KCNMB2: variants seen among roughly 807,000 people sequenced by gnomAD.
KCNMB2 encodes potassium calcium-activated channel subfamily M regulatory beta subunit 2, also known as calcium-activated potassium channel subunit beta-2.
KCNMB2 carries 9 observed loss-of-function variants against 24.5 expected under a neutral mutation model. The ratio of observed to expected loss-of-function variants is 0.37; its 90% CI spans 0.22 to 0.64. The LOEUF is 0.64. Among genes scored for constraint, KCNMB2 ranks in the 30% least tolerant of loss-of-function variants. The probability of loss-of-function intolerance (pLI) is 0.63; values close to 1 mark genes in which losing one functional copy is unlikely to be tolerated. For missense variants in KCNMB2, 226 were observed against 284.3 expected, an observed-to-expected ratio of 0.79 and a Z score of 1.47; for synonymous variants, 109 against 104.4, an observed-to-expected ratio of 1.04 and a Z score of -0.27.
At position 178,785,511 on chromosome 3, in the gene KCNMB2, A is replaced by T. The variant is rs113354235; in HGVS notation, c.-67-21832A>T. On this transcript the variant is annotated intron_variant, in intron 1 of 4. Transcript: ENST00000452583. ...TAATATTATAAGATACAAAAATTAC[A>T]TATTGACCGATTCAAATTTTGCAAA... Among the ~76,000 whole-genome samples the T allele has an allele frequency of 8.4e-4, 128 of 152,180 alleles. 2 individuals carry two copies. In the South Asian group the frequency reaches 0.011, roughly 14 times the overall value.
intron 2 of KCNMB2, among the ~76,000 whole-genome samples, chr3:178,808,511 C>T (rs989909160): frequency 6.6e-6 from 1 of 152,344 alleles, no homozygotes; most frequent in African/African-American, 2.4e-5. Flanking sequence ...TGCCTGAATA[C>T]TGTTTTCAGA....
At chr3:178,661,974 G>A (rs1329104216) in intron 1 of KCNMB2, among the ~76,000 whole-genome samples, 1 of 152,118 alleles carries the variant, frequency 6.6e-6, no homozygotes, top group Non-Finnish European at 1.5e-5. Context: ...AGAGAAATTA[G>A]ATGAATCAAG....
In KCNMB2 at chr3:178,685,669, A is replaced by T. The variant is rs182468085; in HGVS notation, c.-67-121674A>T. ...GCACGTGGGAAGCTTTTTGTTAGGA[A>T]ATTATTAAGTCCAAACCTGAGCAGT... On this transcript the variant is annotated intron_variant, in intron 1 of 4. Transcript: ENST00000452583. Among the ~76,000 whole-genome samples the T allele has an allele frequency of 2.0e-5, 3 of 152,352 alleles. No homozygotes were observed. The East Asian group carries it at 5.8e-4, about 29-fold the overall frequency.
At chr3:178,617,906 A>G (rs1418156635) in intron 1 of KCNMB2, among the ~76,000 whole-genome samples, 1 of 151,688 alleles carries the variant, frequency 6.6e-6, no homozygotes, top group East Asian at 1.9e-4. Flanking sequence ...AAAAAAAAAA[A>G]AAAAACCCAA....
chr3:178,727,685 C>G (rs1723009315), intron 1 of KCNMB2, among the ~76,000 whole-genome samples: 1 of 152,002 alleles, frequency 6.6e-6, no homozygotes, highest in South Asian at 2.1e-4. Context: ...CCTCTAGTAG[C>G]TAGAAAAGAA....
chr3:178,690,888 G>A (rs867181320), intron 1 of KCNMB2, among the ~76,000 whole-genome samples: 3 of 152,062 alleles, frequency 2.0e-5, no homozygotes, highest in Admixed American at 1.3e-4. Context: ...GTGATCTAGC[G>A]ATCTATAGGT....
intron 1 of KCNMB2, among the ~76,000 whole-genome samples, chr3:178,763,778 T>C (rs1712008782): frequency 1.3e-5 from 2 of 152,282 alleles, no homozygotes; most frequent in South Asian, 2.1e-4. Flanking sequence ...AATAATCTTT[T>C]TGGAAGTAGA....
At chr3:178,653,546 T>A (rs1720208004) in intron 1 of KCNMB2, among the ~76,000 whole-genome samples, 1 of 152,146 alleles carries the variant, frequency 6.6e-6, no homozygotes, top group Non-Finnish European at 1.5e-5. Context: ...GCTCTAGCCT[T>A]TTGATATGTA....
At chr3:178,758,211 A>C (rs1443631702) in intron 1 of KCNMB2, among the ~76,000 whole-genome samples, 4 of 40,784 alleles carry the variant, frequency 9.8e-5, no homozygotes, top group Admixed American at 6.5e-4. Flanking sequence ...TATATATCCA[A>C]GGGGATATAT....
intron 1 of KCNMB2, among the ~76,000 whole-genome samples, chr3:178,701,238 G>C (rs1035911858): frequency 6.6e-6 from 1 of 152,092 alleles, no homozygotes; most frequent in Non-Finnish European, 1.5e-5. Context: ...TCTTGTTTTT[G>C]TCAGGTTTGT....
At chr3:178,837,279 T>G (rs913155854) in intron 4 of KCNMB2, among the ~76,000 whole-genome samples, 3 of 152,124 alleles carry the variant, frequency 2.0e-5, no homozygotes, top group African/African-American at 7.2e-5. Flanking sequence ...TAATGAAAAT[T>G]TATTGAGGCT....
chr3:178,676,724 G>A (rs930606362), intron 1 of KCNMB2, among the ~76,000 whole-genome samples: 2 of 152,148 alleles, frequency 1.3e-5, no homozygotes, highest in African/African-American at 2.4e-5. Context: ...CCTGGCACAC[G>A]GACTTTAGGT....
chr3:178,691,107 C>CTTTTT lies in KCNMB2; in HGVS notation c.-67-116220_-67-116216dup, dbSNP rs71181241. Among the ~76,000 whole-genome samples the CTTTTT allele has an allele frequency of 9.3e-3, 741 of 79,706 alleles. 161 individuals carry two copies. Among genetic ancestry groups the CTTTTT allele is most frequent in the African/African-American group, 0.041 (671 of 16,282 alleles). 52.3% of individuals were successfully genotyped at this position (79,706 alleles called of 152,430 possible). ...TGTACAGCATAATTCCCCATTAAGT[C>CTTTTT]TTTTTTTTTTTTTTTTTTTTGATAG... is the stretch of plus-strand genomic sequence containing the variant. On this transcript the variant is annotated intron_variant, in intron 1 of 4. Coordinates refer to ENST00000452583, the MANE Select transcript of KCNMB2 (RefSeq NM_181361.3).
At chr3:178,749,609 G>A (rs2108386951) in intron 1 of KCNMB2, among the ~76,000 whole-genome samples, 1 of 152,316 alleles carries the variant, frequency 6.6e-6, no homozygotes. Context: ...GGAGGGCAAG[G>A]AAGCTCAAGT....
At chr3:178,607,661 A>G (rs1479869988) in intron 1 of KCNMB2, among the ~76,000 whole-genome samples, 6 of 151,930 alleles carry the variant, frequency 3.9e-5, no homozygotes, top group African/African-American at 1.5e-4. Context: ...GTATGTGTGC[A>G]TAAACACATA....
intron 1 of KCNMB2, among the ~76,000 whole-genome samples, chr3:178,712,966 G>C (rs748130335): frequency 6.6e-6 from 1 of 152,164 alleles, no homozygotes; most frequent in African/African-American, 2.4e-5. Flanking sequence ...TAGCCCACAG[G>C]GGGCTGGAAA....
intron 1 of KCNMB2, among the ~76,000 whole-genome samples, chr3:178,728,197 A>AT (rs1423911262): frequency 6.6e-6 from 1 of 152,166 alleles, no homozygotes; most frequent in East Asian, 1.9e-4. Flanking sequence ...CCTTCCTGTG[A>AT]TTTTTCCTTA....
intron 1 of KCNMB2, among the ~76,000 whole-genome samples, chr3:178,775,160 G>T (rs550282374): frequency 5.4e-4 from 82 of 152,272 alleles, no homozygotes; most frequent in African/African-American, 1.9e-3. Context: ...ACAAAAATAA[G>T]AATGCTATTA....
Position 178,814,299 on chromosome 3 carries a change from G to A in KCNMB2, c.56+6834G>A, listed in dbSNP as rs566030908. On this transcript the variant is annotated intron_variant, in intron 2 of 4. Coordinates refer to ENST00000452583, the MANE Select transcript of KCNMB2 (RefSeq NM_181361.3). ...AATTCACTTAGGGTAACAGCCTCCC[G>A]CTGCAAATGACATGATTTCATTCTT... Among the ~76,000 whole-genome samples, 46 of 152,192 alleles carry A rather than the reference G, an allele frequency of 3.0e-4. 1 individual carries two copies. Among genetic ancestry groups the A allele is most frequent in the African/African-American group, 6.3e-4 (26 of 41,522 alleles).
Sources: allele counts gnomAD v4.1 joint callset (sites outside exome capture counted in the v4.1 genomes callset), GRCh38; gene constraint gnomAD v4.1.1; transcripts MANE v1.5; gene names NCBI Gene and HGNC (gene_info 2026-07-23, HGNC 2026-07-21).